RIT2: variants seen among roughly 807,000 people sequenced by gnomAD.
RIT2 encodes Ras like without CAAX 2.
Under a neutral mutation model 23.7 loss-of-function variants are expected in RIT2, and 24 were observed. The observed-to-expected ratio is 1.01, with a 90% CI of 0.73 to 1.43. RIT2 has a LOEUF of 1.43. Ranked by LOEUF, RIT2 falls within the 40% of genes most tolerant of loss-of-function variation. The probability of loss-of-function intolerance (pLI) is 0.00; values close to 1 mark genes in which losing one functional copy is unlikely to be tolerated. For synonymous variants in RIT2, 107 were observed against 91.1 expected, an observed-to-expected ratio of 1.17 and a Z score of -0.99; for missense variants, 236 against 266.9, an observed-to-expected ratio of 0.88 and a Z score of 0.81.
intron 2 of RIT2, among the ~76,000 whole-genome samples, chr18:42,984,524 A>G (rs1336108820): frequency 2.0e-5 from 3 of 152,074 alleles, no homozygotes; most frequent in Non-Finnish European, 4.4e-5. Flanking sequence ...ACAATTTTCA[A>G]GAGGTTACCA....
intron 2 of RIT2, among the ~76,000 whole-genome samples, chr18:43,024,784 C>CT (rs924515399): frequency 6.1e-5 from 9 of 148,546 alleles, no homozygotes; most frequent in Middle Eastern, 3.5e-3. Flanking sequence ...CATAAAAAGA[C>CT]TTTTTTTTTT....
intron 4 of RIT2, among the ~76,000 whole-genome samples, chr18:42,869,538 G>A (rs1907563437): frequency 6.6e-6 from 1 of 152,126 alleles, no homozygotes; most frequent in Admixed American, 6.5e-5. Flanking sequence ...CTCTTTATAT[G>A]GTCTTGCCTT....
At position 42,837,153 on chromosome 18, in the gene RIT2, C is replaced by CTTTTTTTTTTTTTTTTTTTTTTTTTTT. The variant is rs570701535; in HGVS notation, c.426+86392_426+86418dup. Among the ~76,000 whole-genome samples the CTTTTTTTTTTTTTTTTTTTTTTTTTTT allele has an allele frequency of 2.7e-4, 14 of 51,702 alleles. 2 individuals carry two copies. Among genetic ancestry groups the CTTTTTTTTTTTTTTTTTTTTTTTTTTT allele is most frequent in the Non-Finnish European group, 4.7e-4 (13 of 27,896 alleles). 33.9% of individuals were successfully genotyped at this position (51,702 alleles called of 152,430 possible). A position where few individuals can be genotyped will look rare whatever the true frequency, so the allele number is the denominator to read the frequency against. On this transcript the variant is annotated intron_variant, in intron 4 of 4. Coordinates refer to ENST00000326695, the MANE Select transcript of RIT2 (RefSeq NM_002930.4). Reference sequence around the variant, plus strand: ...TAAAAATTTCTTTTTTTTTCTTTTTCTTTTTTTTTTTTTTTTTTTTTTTTT... The same window carrying CTTTTTTTTTTTTTTTTTTTTTTTTTTT: ...TAAAAATTTCTTTTTTTTTCTTTTTCTTTTTTTTTTTTTTTTTTTTTTTTTTTTTTTTTTTTTTTTTTTTTTTTTTTT...
rs1289135819 is a variant in RIT2, at chr18:42,743,262, T to C, written c.*231A>G. ...GGAATGTCAATTTTATTTAGTACTA[T>C]GTTGTAAAAACTAAACAGCATATCC... On this transcript the variant is annotated 3_prime_UTR_variant, in exon 5 of 5. Transcript: ENST00000326695. 1.3e-5 allele frequency: 7 copies of C among 543,228 alleles called. No individual in the cohort carries two copies. The highest frequency in any genetic ancestry group is 2.0e-5 in the Non-Finnish European group (6 of 305,316). The allele number at this position is 543,228 out of a possible 1,614,324, so 33.7% of individuals were successfully genotyped here. A position where few individuals can be genotyped will look rare whatever the true frequency, so the allele number is the denominator to read the frequency against.
At chr18:42,858,970 G>A (rs1198251240) in intron 4 of RIT2, among the ~76,000 whole-genome samples, 1 of 152,088 alleles carries the variant, frequency 6.6e-6, no homozygotes, top group African/African-American at 2.4e-5. Flanking sequence ...TGGCATTTTG[G>A]TTGTGTTCAC....
intron 4 of RIT2, among the ~76,000 whole-genome samples, chr18:42,848,050 T>A (rs1372240110): frequency 6.6e-6 from 1 of 151,726 alleles, no homozygotes; most frequent in Non-Finnish European, 1.5e-5. Flanking sequence ...GCAGATAGTG[T>A]TCAGTTGTCA....
chr18:42,988,323 G>A (rs1910761104), intron 2 of RIT2, among the ~76,000 whole-genome samples: 1 of 152,008 alleles, frequency 6.6e-6, no homozygotes, highest in Non-Finnish European at 1.5e-5. Context: ...CACTATATTT[G>A]CATAAAATTA....
chr18:43,017,990 A>G (rs1911512403), intron 2 of RIT2, among the ~76,000 whole-genome samples: 2 of 152,114 alleles, frequency 1.3e-5, no homozygotes, highest in Non-Finnish European at 2.9e-5. Context: ...GTAAGAAAGT[A>G]GACTGCAGTG....
intron 4 of RIT2, among the ~76,000 whole-genome samples, chr18:42,800,185 T>G (rs1205735179): frequency 6.6e-6 from 1 of 152,228 alleles, no homozygotes; most frequent in Non-Finnish European, 1.5e-5. Flanking sequence ...TGAATAGGAC[T>G]ACAAATTCGA....
chr18:42,912,506 G>C (rs1200638739), intron 4 of RIT2, among the ~76,000 whole-genome samples: 1 of 151,898 alleles, frequency 6.6e-6, no homozygotes, highest in Non-Finnish European at 1.5e-5. Context: ...TCACAAGCTT[G>C]TCTGTCTAGA....
intron 2 of RIT2, among the ~76,000 whole-genome samples, chr18:43,015,627 A>G (rs1387369679): frequency 2.6e-5 from 4 of 151,754 alleles, no homozygotes; most frequent in African/African-American, 7.2e-5. Context: ...GACTGTGAGA[A>G]GGTGAGAGTC....
chr18:43,013,419 C>T (rs1305429298), intron 2 of RIT2, among the ~76,000 whole-genome samples: 1 of 151,738 alleles, frequency 6.6e-6, no homozygotes, highest in Non-Finnish European at 1.5e-5. Context: ...AATTACTGCT[C>T]CTGCAGTTTC....
rs1219982398 is a variant in RIT2, at chr18:43,115,617, G to T, written c.-98C>A. 1.4e-6 allele frequency: 2 copies of T among 1,480,454 alleles called. No homozygotes were observed. The highest frequency in any genetic ancestry group is 1.4e-5 in the African/African-American group (1 of 70,392). The allele number at this position is 1,480,454 out of a possible 1,614,324, so 91.7% of individuals were successfully genotyped here. A position where few individuals can be genotyped will look rare whatever the true frequency, so the allele number is the denominator to read the frequency against. ...AACTCTAAAACTGTGTCAAAGCAAAGGTTTTAGTACGAGGTAAGAACCATC... is the reference window on the plus strand; with the variant it reads ...AACTCTAAAACTGTGTCAAAGCAAATGTTTTAGTACGAGGTAAGAACCATC... On this transcript the variant is annotated 5_prime_UTR_variant, in exon 1 of 5. Transcript: ENST00000326695.
intron 4 of RIT2, among the ~76,000 whole-genome samples, chr18:42,845,131 A>T (rs1906872985): frequency 6.6e-6 from 1 of 152,142 alleles, no homozygotes; most frequent in African/African-American, 2.4e-5. Flanking sequence ...AATCTTGATG[A>T]CAATACAGAT....
chr18:43,057,220 T>C (rs1225703348), intron 1 of RIT2, among the ~76,000 whole-genome samples: 1 of 152,144 alleles, frequency 6.6e-6, no homozygotes, highest in Non-Finnish European at 1.5e-5. Flanking sequence ...TCTCTTGTCC[T>C]ATAATATATT....
chr18:42,769,843 TATA>T (rs149525390), intron 4 of RIT2, among the ~76,000 whole-genome samples: 34,116 of 141,330 alleles, frequency 0.24, 4,274 homozygotes, highest in African/African-American at 0.29. Flanking sequence ...AAACTTAAAG[TATA>T]ATAATAATAA....
intron 4 of RIT2, among the ~76,000 whole-genome samples, chr18:42,846,594 C>G (rs1031479099): frequency 6.6e-6 from 1 of 151,738 alleles, no homozygotes; most frequent in Admixed American, 6.6e-5. Context: ...CATTAAATCA[C>G]AAATTGAGGT....
chr18:42,940,269 T>TGC (rs1555648057), intron 3 of RIT2, among the ~76,000 whole-genome samples: 15 of 137,974 alleles, frequency 1.1e-4, no homozygotes, highest in African/African-American at 4.1e-4. Flanking sequence ...TATATATATA[T>TGC]GCACACACAC....
intron 4 of RIT2, among the ~76,000 whole-genome samples, chr18:42,887,289 G>GA (rs992195814): frequency 2.0e-5 from 3 of 151,982 alleles, no homozygotes; most frequent in Admixed American, 6.6e-5. Flanking sequence ...GTTTATTTGA[G>GA]AAAAAATAAA....
Sources: allele counts gnomAD v4.1 joint callset (sites outside exome capture counted in the v4.1 genomes callset), GRCh38; gene constraint gnomAD v4.1.1; transcripts MANE v1.5; gene names NCBI Gene and HGNC (gene_info 2026-07-23, HGNC 2026-07-21).